SVOPL: variants seen among roughly 807,000 people sequenced by gnomAD.
SVOPL encodes the protein SVOP like, also known as putative transporter SVOPL.
SVOPL carries 60 observed loss-of-function variants against 61.0 expected under a neutral mutation model. That is an observed-to-expected ratio of 0.98 (90% confidence interval 0.80 to 1.22). SVOPL has a LOEUF of 1.22. SVOPL is among the 50% of genes most tolerant of loss of function. The pLI, the probability that SVOPL is intolerant of heterozygous loss-of-function variation, is 0.00. For synonymous variants in SVOPL, 279 were observed against 250.0 expected (o/e 1.12, Z -1.09); for missense variants, 662 against 643.9 (o/e 1.03, Z -0.30).
chr7:138,681,361 A>G (rs1263768033), intron 1 of SVOPL, among the ~76,000 whole-genome samples: 4 of 149,340 alleles, frequency 2.7e-5, no homozygotes, highest in Non-Finnish European at 5.9e-5. Flanking sequence ...ATATTATTAT[A>G]TAACATATAT....
Position 138,602,441 on chromosome 7 carries a change from CTATATATATA to C in SVOPL, c.1354-5921_1354-5912del, listed in dbSNP as rs59400217. 7.5e-4 allele frequency among the ~76,000 whole-genome samples: 105 copies of C among 140,746 alleles called. 2 individuals are homozygous for C. The South Asian group carries it at 9.2e-3, about 12-fold the overall frequency. 92.3% of individuals were successfully genotyped at this position (140,746 alleles called of 152,430 possible). ...GATTATTAGTGAGAAAAGGCAGTTGCTATATATATATATATATATATATATATATATATAT... is the reference window on the plus strand; with the variant it reads ...GATTATTAGTGAGAAAAGGCAGTTGCTATATATATATATATATATATATAT... On this transcript the variant is annotated intron_variant, in intron 14 of 15. Coordinates refer to ENST00000674285, the MANE Select transcript of SVOPL (RefSeq NM_001139456.2).
At chr7:138,599,907 A>G (rs1472732425) in intron 14 of SVOPL, among the ~76,000 whole-genome samples, 3 of 151,542 alleles carry the variant, frequency 2.0e-5, no homozygotes, top group South Asian at 2.1e-4. Flanking sequence ...AAAAAAAAGG[A>G]AAAAAAATCA....
At chr7:138,601,214 T>G (rs898871762) in intron 14 of SVOPL, among the ~76,000 whole-genome samples, 3 of 142,168 alleles carry the variant, frequency 2.1e-5, no homozygotes, top group Non-Finnish European at 4.5e-5. Context: ...ATCGTGCCAC[T>G]GCACTCTAGC....
chr7:138,654,504 T>G (rs1006429201), intron 7 of SVOPL, among the ~76,000 whole-genome samples: 4 of 147,796 alleles, frequency 2.7e-5, no homozygotes, highest in African/African-American at 9.9e-5. Flanking sequence ...GAGTTTGTTT[T>G]TTTTTTTTTT....
intron 14 of SVOPL, 91 bp from the exon 15 acceptor site, chr7:138,596,621 A>G (rs759881032): frequency 5.5e-5 from 82 of 1,494,056 alleles, no homozygotes; most frequent in Non-Finnish European, 7.1e-5. Context: ...GATTCACTTC[A>G]CTAAGATGGT....
At chr7:138,620,924 A>C (rs911287294) in intron 14 of SVOPL, 122 bp downstream of exon 14, 1 of 866,664 alleles carries the variant, frequency 1.2e-6, no homozygotes, top group African/African-American at 1.7e-5. Flanking sequence ...GGGAAACGGC[A>C]CCTCCAGAAA....
At chr7:138,616,107 T>C (rs1053606528) in intron 14 of SVOPL, among the ~76,000 whole-genome samples, 2 of 152,134 alleles carry the variant, frequency 1.3e-5, no homozygotes, top group Non-Finnish European at 2.9e-5. Context: ...AACCCAAACA[T>C]GTGGGTGCCC....
At chr7:138,663,051 T>C in intron 5 of SVOPL, 23 bp downstream of exon 5, 5 of 1,614,042 alleles carry the variant, frequency 3.1e-6, no homozygotes, top group Non-Finnish European at 4.2e-6. Context: ...CAATTCCAAA[T>C]GCTACTGTGA....
At chr7:138,687,130 C>T (rs1802834119) in intron 1 of SVOPL, among the ~76,000 whole-genome samples, 3 of 151,656 alleles carry the variant, frequency 2.0e-5, no homozygotes, top group South Asian at 4.2e-4. Flanking sequence ...GTTATGAGGA[C>T]AGACAATTCT....
At chr7:138,699,177 G>A (rs112324458) in intron 1 of SVOPL, among the ~76,000 whole-genome samples, 7,763 of 151,962 alleles carry the variant, frequency 0.051, 313 homozygotes, top group African/African-American at 0.11. Flanking sequence ...GTGTGGTAGC[G>A]GGTGTAGTCC....
intron 9 of SVOPL, among the ~76,000 whole-genome samples, chr7:138,641,884 G>T (rs1456063242): frequency 7.3e-6 from 1 of 137,236 alleles, no homozygotes; most frequent in Non-Finnish European, 1.5e-5. Flanking sequence ...TGTATATATA[G>T]TCAATGGGTA....
Position 138,646,544 on chromosome 7 carries a change from A to G in SVOPL, c.661-1699T>C, listed in dbSNP as rs186645433. ...GGTTTTTTGTTTTTTTGAGAGACAG[A>G]GTCTTGCTCTGTTGCCCAGTCTAGA... is the stretch of plus-strand genomic sequence containing the variant. On this transcript the variant is annotated intron_variant, in intron 8 of 15. Transcript: ENST00000674285. 776 of 152,832 alleles carry G rather than the reference A, an allele frequency of 5.1e-3. 10 individuals are homozygous for G. The highest frequency in any genetic ancestry group is 3.5e-3 in the Non-Finnish European group (241 of 68,550). 9.5% of individuals were successfully genotyped at this position (152,832 alleles called of 1,614,324 possible).
intron 4 of SVOPL, among the ~76,000 whole-genome samples, chr7:138,667,505 T>C (rs1011162384): frequency 1.2e-4 from 18 of 152,236 alleles, no homozygotes; most frequent in Non-Finnish European, 2.4e-4. Flanking sequence ...GACATCTGCA[T>C]AATTGATGCT....
At chr7:138,624,009 G>A (rs1021040784) in intron 13 of SVOPL, among the ~76,000 whole-genome samples, 2 of 151,920 alleles carry the variant, frequency 1.3e-5, no homozygotes, top group Admixed American at 6.6e-5. Flanking sequence ...TAATAGAGAC[G>A]GGGTTTCACC....
In SVOPL at chr7:138,678,515, C is replaced by T. The variant is rs577125799; in HGVS notation, c.93G>A (p.Thr31=). 1.9e-5 allele frequency: 30 copies of T among 1,551,958 alleles called. No homozygotes were observed. Among genetic ancestry groups the T allele is most frequent in the African/African-American group, 4.1e-5 (3 of 73,052 alleles). ...TAEPQVKEPK[T]FTVEDAVETI... ...TCTCCACTGCATCTTCCACGGTGAACGTCTTTGGCTCTAACAACGAAAGAC... is the reference window on the plus strand; with the variant it reads ...TCTCCACTGCATCTTCCACGGTGAATGTCTTTGGCTCTAACAACGAAAGAC... Residue 31 remains threonine (T), a synonymous_variant, in exon 3 of 16, where the codon ACG becomes ACA. Transcript: ENST00000674285.
At chr7:138,667,693 A>G (rs138700974) in intron 4 of SVOPL, among the ~76,000 whole-genome samples, 7 of 152,274 alleles carry the variant, frequency 4.6e-5, no homozygotes, top group African/African-American at 1.7e-4. Context: ...AGTCACCCGG[A>G]AACCTCTGCT....
intron 9 of SVOPL, among the ~76,000 whole-genome samples, chr7:138,635,132 T>C (rs1584810538): frequency 6.6e-6 from 1 of 151,610 alleles, no homozygotes; most frequent in African/African-American, 2.4e-5. Context: ...ATTAGCTGGG[T>C]GTGGTGGCAC....
At chr7:138,626,306 A>G (rs577302204) in intron 12 of SVOPL, among the ~76,000 whole-genome samples, 173 of 152,294 alleles carry the variant, frequency 1.1e-3, no homozygotes, top group African/African-American at 4.0e-3. Context: ...TGCTGGGCAC[A>G]GTGGCTCACA....
chr7:138,633,288 G>T (rs922622229), intron 9 of SVOPL, among the ~76,000 whole-genome samples: 1 of 152,228 alleles, frequency 6.6e-6, no homozygotes, highest in African/African-American at 2.4e-5. Context: ...ATGTTGAAAT[G>T]TGATCCCCAG....
Sources: gnomAD v4.1 joint callset for allele counts (sites outside exome capture counted in the v4.1 genomes callset) on GRCh38, gnomAD v4.1.1 for gene constraint, MANE v1.5 for transcripts, NCBI Gene and HGNC (gene_info 2026-07-23, HGNC 2026-07-21) for gene names.